ZFPM2: variants seen among roughly 807,000 people sequenced by gnomAD.
ZFPM2 encodes the protein zinc finger protein ZFPM2.
A neutral mutation model predicts 98.6 loss-of-function variants in ZFPM2; 20 were observed. That is an observed-to-expected ratio of 0.20 (90% CI 0.14 to 0.29). The LOEUF is 0.29. Ranked by LOEUF, ZFPM2 falls within the 10% of genes least tolerant of loss-of-function variation. The pLI is 1.00. For missense variants in ZFPM2, 1,310 were observed against 1,388.6 expected (o/e 0.94, Z 0.90); for synonymous variants, 518 against 502.7 (o/e 1.03, Z -0.41).
intron 3 of ZFPM2, among the ~76,000 whole-genome samples, chr8:105,538,207 A>G (rs1376237751): frequency 6.6e-6 from 1 of 152,088 alleles, no homozygotes; most frequent in Non-Finnish European, 1.5e-5. Context: ...CAAGTTATTT[A>G]TTTTCCTTAA....
At chr8:105,684,442 G>T (rs10104574) in intron 5 of ZFPM2, among the ~76,000 whole-genome samples, 29,766 of 151,882 alleles carry the variant, frequency 0.2, 3,304 homozygotes, top group South Asian at 0.32. Context: ...AGCACAAACA[G>T]TCTTGCAAAA....
At chr8:105,771,457 A>G (rs1172203727) in intron 5 of ZFPM2, among the ~76,000 whole-genome samples, 3 of 152,160 alleles carry the variant, frequency 2.0e-5, no homozygotes, top group Non-Finnish European at 2.9e-5. Flanking sequence ...AAGACAATAT[A>G]TCTTTGTTAA....
chr8:105,612,923 TG>T (rs1563742878), intron 4 of ZFPM2, among the ~76,000 whole-genome samples: 1 of 152,124 alleles, frequency 6.6e-6, no homozygotes, highest in Admixed American at 6.6e-5. Context: ...TTCTAATTCG[TG>T]GGGGAAACTT....
intron 4 of ZFPM2, among the ~76,000 whole-genome samples, chr8:105,569,881 T>G (rs1323349614): frequency 6.6e-6 from 1 of 152,104 alleles, no homozygotes; most frequent in Non-Finnish European, 1.5e-5. Context: ...AATTTTCTAT[T>G]AACTTCTTGG....
At chr8:105,764,416 T>G (rs1390533701) in intron 5 of ZFPM2, among the ~76,000 whole-genome samples, 1 of 151,774 alleles carries the variant, frequency 6.6e-6, no homozygotes, top group Non-Finnish European at 1.5e-5. Flanking sequence ...TATAGAAAAT[T>G]TTCTTCTATT....
chr8:105,740,521 G>T (rs1812186521), intron 5 of ZFPM2, among the ~76,000 whole-genome samples: 1 of 147,046 alleles, frequency 6.8e-6, no homozygotes, highest in South Asian at 2.1e-4. Flanking sequence ...ATGTATGTGT[G>T]TGTATGCATA....
intron 3 of ZFPM2, among the ~76,000 whole-genome samples, chr8:105,524,482 G>A (rs1290164498): frequency 6.6e-6 from 1 of 151,376 alleles, no homozygotes; most frequent in African/African-American, 2.4e-5. Context: ...GTGTGTGTGT[G>A]TGTTTCTCTC....
At chr8:105,534,398 C>G (rs556352181) in intron 3 of ZFPM2, among the ~76,000 whole-genome samples, 1 of 138,718 alleles carries the variant, frequency 7.2e-6, no homozygotes, top group South Asian at 2.3e-4. Context: ...TCCTCCCTTC[C>G]TACCTTTCCT....
intron 1 of ZFPM2, chr8:105,387,629 C>A (rs1811025577): frequency 2.0e-5 from 3 of 152,948 alleles, no homozygotes; most frequent in Admixed American, 1.3e-4. Flanking sequence ...TGGCACTGAC[C>A]CGCAAGCGCT....
chr8:105,791,158 T>G (rs998183550), intron 6 of ZFPM2, among the ~76,000 whole-genome samples: 7 of 152,202 alleles, frequency 4.6e-5, no homozygotes, highest in Non-Finnish European at 7.3e-5. Context: ...AGGGCATCCC[T>G]GTCTTGTGCC....
At chr8:105,517,244 T>C (rs185922646) in intron 3 of ZFPM2, among the ~76,000 whole-genome samples, 26 of 152,310 alleles carry the variant, frequency 1.7e-4, no homozygotes, top group African/African-American at 5.8e-4. Flanking sequence ...AATATCTTAA[T>C]GGAGACATTT....
intron 5 of ZFPM2, among the ~76,000 whole-genome samples, chr8:105,753,811 A>G (rs1230434544): frequency 6.6e-6 from 1 of 152,106 alleles, no homozygotes; most frequent in Admixed American, 6.5e-5. Context: ...AACAATACCT[A>G]ATTTCTATTC....
intron 4 of ZFPM2, among the ~76,000 whole-genome samples, chr8:105,581,467 T>G (rs1477963509): frequency 7.1e-6 from 1 of 141,660 alleles, no homozygotes; most frequent in Admixed American, 6.8e-5. Context: ...CTATTTCTTA[T>G]GATAGAGATT....
At chr8:105,565,210 T>C (rs935712515) in intron 4 of ZFPM2, among the ~76,000 whole-genome samples, 1 of 152,160 alleles carries the variant, frequency 6.6e-6, no homozygotes, top group Admixed American at 6.6e-5. Flanking sequence ...AGGAAGCCTT[T>C]GCAGACCAGG....
chr8:105,531,166 A>G (rs1479314754), intron 3 of ZFPM2, among the ~76,000 whole-genome samples: 8 of 152,158 alleles, frequency 5.3e-5, no homozygotes, highest in Non-Finnish European at 1.0e-4. Context: ...ATTGAGCTAC[A>G]TCACACTTTA....
At chr8:105,751,639 T>G (rs1207320759) in intron 5 of ZFPM2, among the ~76,000 whole-genome samples, 1 of 152,096 alleles carries the variant, frequency 6.6e-6, no homozygotes, top group South Asian at 2.1e-4. Flanking sequence ...GAGATAACAT[T>G]TTAAAAATAA....
At chr8:105,649,819 C>T (rs1002059799) in intron 5 of ZFPM2, among the ~76,000 whole-genome samples, 1 of 152,146 alleles carries the variant, frequency 6.6e-6, no homozygotes, top group Non-Finnish European at 1.5e-5. Flanking sequence ...CAATGTTCAT[C>T]AAGGATATTG....
At chr8:105,457,558 T>C (rs1196677104) in intron 3 of ZFPM2, among the ~76,000 whole-genome samples, 4 of 152,094 alleles carry the variant, frequency 2.6e-5, no homozygotes, top group Non-Finnish European at 5.9e-5. Flanking sequence ...CAGTGTGCAG[T>C]GTGATGCTGG....
chr8:105,419,615 G>T (rs971715362), intron 2 of ZFPM2, among the ~76,000 whole-genome samples: 1 of 151,988 alleles, frequency 6.6e-6, no homozygotes, highest in Non-Finnish European at 1.5e-5. Flanking sequence ...CTTTCAACAA[G>T]AATTTATTGA....
Sources: allele counts gnomAD v4.1 joint callset (sites outside exome capture counted in the v4.1 genomes callset), GRCh38; gene constraint gnomAD v4.1.1; transcripts MANE v1.5; gene names NCBI Gene and HGNC (gene_info 2026-07-23, HGNC 2026-07-21).